The following CUX1 variants were observed in gnomAD, a reference collection of about 807,000 sequenced individuals.
CUX1 encodes protein CASP.
A neutral mutation model predicts 158.8 loss-of-function variants in CUX1; 31 were observed. The observed-to-expected ratio is 0.20, with a 90% CI of 0.15 to 0.26. The LOEUF (loss-of-function observed/expected upper bound fraction) is 0.26. CUX1 is among the 10% of genes least tolerant of loss of function. The pLI, the probability that CUX1 is intolerant of heterozygous loss-of-function variation, is 1.00. For synonymous variants in CUX1, 879 were observed against 862.1 expected, an observed-to-expected ratio of 1.02 and a Z score of -0.34; for missense variants, 1,589 against 2,014.6, an observed-to-expected ratio of 0.79 and a Z score of 4.04.
At chr7:102,130,070 T>C (rs1445107399) in intron 8 of CUX1, among the ~76,000 whole-genome samples, 1 of 152,204 alleles carries the variant, frequency 6.6e-6, no homozygotes, top group Non-Finnish European at 1.5e-5. Context: ...TGCCCTTTCA[T>C]TCTCTTCCCG....
chr7:102,006,947 G>A (rs1305943353), intron 2 of CUX1, among the ~76,000 whole-genome samples: 1 of 152,214 alleles, frequency 6.6e-6, no homozygotes, highest in Non-Finnish European at 1.5e-5. Context: ...CCACACAAAA[G>A]TGTATTTCTT....
intron 2 of CUX1, among the ~76,000 whole-genome samples, chr7:101,978,660 G>A (rs920598976): frequency 1.4e-4 from 21 of 152,162 alleles, no homozygotes; most frequent in Non-Finnish European, 1.5e-4. Context: ...ACCCCACGTC[G>A]CCCTCACTGG....
At chr7:102,036,137 T>C (rs1470730794) in intron 3 of CUX1, among the ~76,000 whole-genome samples, 1 of 152,032 alleles carries the variant, frequency 6.6e-6, no homozygotes, top group East Asian at 1.9e-4. Flanking sequence ...CAGCTAATTT[T>C]TGTGTTTTTA....
chr7:101,982,541 C>G (rs551366697), intron 2 of CUX1, among the ~76,000 whole-genome samples: 8 of 152,050 alleles, frequency 5.3e-5, no homozygotes, highest in Non-Finnish European at 1.2e-4. Flanking sequence ...ATTCTCATGC[C>G]TCAGCCTCCT....
chr7:102,236,971 C>T (rs559885617), intron 22 of CUX1, among the ~76,000 whole-genome samples: 2 of 152,172 alleles, frequency 1.3e-5, no homozygotes, highest in African/African-American at 2.4e-5. Context: ...CTTCTCTTCA[C>T]TCCTGGGGGT....
chr7:102,120,546 C>T (rs904174812), intron 8 of CUX1, among the ~76,000 whole-genome samples: 5 of 152,224 alleles, frequency 3.3e-5, no homozygotes, highest in African/African-American at 1.2e-4. Context: ...CACATACTTA[C>T]ATAGTACGGT....
At chr7:102,002,102 G>A (rs997021172) in intron 2 of CUX1, among the ~76,000 whole-genome samples, 2 of 152,068 alleles carry the variant, frequency 1.3e-5, no homozygotes, top group South Asian at 2.1e-4. Flanking sequence ...TAGACCAGCC[G>A]GGGCAACATA....
chr7:102,145,851 G>A (rs985341473), intron 8 of CUX1, among the ~76,000 whole-genome samples: 3 of 152,144 alleles, frequency 2.0e-5, no homozygotes, highest in Admixed American at 6.6e-5. Flanking sequence ...TGAGACTGAG[G>A]GAGGAGAATT....
intron 3 of CUX1, among the ~76,000 whole-genome samples, chr7:102,054,210 C>T (rs1351223376): frequency 6.6e-6 from 1 of 152,218 alleles, no homozygotes; most frequent in Non-Finnish European, 1.5e-5. Context: ...CTTTTGGCAT[C>T]ATACCTAAGA....
Position 102,250,280 on chromosome 7 carries a change from G to T in CUX1, c.*1238G>T. The T allele has an allele frequency of 2.0e-6, 2 of 985,368 alleles. No individual in the cohort carries two copies. The highest frequency in any genetic ancestry group is 2.4e-6 in the Non-Finnish European group (2 of 829,954). 61.0% of individuals were successfully genotyped at this position (985,368 alleles called of 1,614,324 possible). ...TGAAAGAAAGGAGAGAGTAGTCCGG[G>T]CGAGCACAGCAGGCAGTTCCAGGGC... On this transcript the variant is annotated 3_prime_UTR_variant, in exon 24 of 24. Coordinates refer to ENST00000292535, the MANE Select transcript of CUX1 (RefSeq NM_181552.4).
intron 8 of CUX1, among the ~76,000 whole-genome samples, chr7:102,127,165 C>T (rs1168555372): frequency 2.6e-5 from 4 of 152,156 alleles, no homozygotes; most frequent in African/African-American, 9.7e-5. Flanking sequence ...CAGATGTGGC[C>T]AAGGGACTGG....
intron 7 of CUX1, among the ~76,000 whole-genome samples, chr7:102,112,318 T>C (rs1554490407): frequency 6.7e-6 from 1 of 149,122 alleles, no homozygotes; most frequent in Non-Finnish European, 1.5e-5. Flanking sequence ...CTTGACTCAC[T>C]GCAAGCTCCG....
rs887184894 is a variant in CUX1 at position 102,070,754 on chromosome 7, C to T, written c.268+337C>T. The stretch of plus-strand genomic sequence containing the variant: ...ATGTGTGTATGCTGTGTGGAAGTCC[C>T]TCATATTGCCCAAAGCCACCTTTAA... On this transcript the variant is annotated intron_variant, in intron 4 of 23. Coordinates refer to ENST00000292535, the MANE Select transcript of CUX1 (RefSeq NM_181552.4). 2.4e-3 allele frequency among the ~76,000 whole-genome samples: 361 copies of T among 152,230 alleles called. 3 individuals carry two copies. Among genetic ancestry groups the T allele is most frequent in the African/African-American group, 8.4e-3 (348 of 41,530 alleles).
intron 10 of CUX1, among the ~76,000 whole-genome samples, chr7:102,177,970 G>T (rs1003225352): frequency 1.3e-5 from 2 of 152,024 alleles, no homozygotes; most frequent in Admixed American, 6.6e-5. Flanking sequence ...TCAGCTCAGC[G>T]CAACCTTCTT....
At chr7:102,140,583 G>C (rs1834335422) in intron 8 of CUX1, among the ~76,000 whole-genome samples, 1 of 151,672 alleles carries the variant, frequency 6.6e-6, no homozygotes, top group Non-Finnish European at 1.5e-5. Context: ...TTCGAGGCTG[G>C]GTGCAGTGAC....
At chr7:101,819,547 G>C (rs1001963589) in intron 1 of CUX1, among the ~76,000 whole-genome samples, 1 of 152,166 alleles carries the variant, frequency 6.6e-6, no homozygotes, top group Non-Finnish European at 1.5e-5. Context: ...TTGTGGAAGT[G>C]TGTATGTTAC....
chr7:102,190,925 A>G (rs1359786739), intron 12 of CUX1, among the ~76,000 whole-genome samples: 2 of 150,116 alleles, frequency 1.3e-5, no homozygotes, highest in Non-Finnish European at 3.0e-5. Flanking sequence ...GCTATTTTCC[A>G]TTTCTCCTTT....
At chr7:101,972,325 C>A (rs10236615) in intron 2 of CUX1, among the ~76,000 whole-genome samples, 1 of 152,098 alleles carries the variant, frequency 6.6e-6, no homozygotes, top group East Asian at 1.9e-4. Flanking sequence ...AAGTACTGGT[C>A]ATTAGAACCA....
intron 3 of CUX1, among the ~76,000 whole-genome samples, chr7:102,064,355 G>A (rs555661689): frequency 6.6e-6 from 1 of 152,276 alleles, no homozygotes; most frequent in African/African-American, 2.4e-5. Context: ...GGCTCTAAAT[G>A]GTTTTAAGGG....
Sources: gnomAD v4.1 joint callset for allele counts (sites outside exome capture counted in the v4.1 genomes callset) on GRCh38, gnomAD v4.1.1 for gene constraint, MANE v1.5 for transcripts, NCBI Gene and HGNC (gene_info 2026-07-23, HGNC 2026-07-21) for gene names.